The following KCNT2 variants were observed in gnomAD, a reference collection of about 807,000 sequenced individuals.
KCNT2 encodes the protein potassium channel subfamily T member 2.
In KCNT2, 67 loss-of-function variants were observed where a neutral mutation model predicts 153.8. The observed-to-expected ratio is 0.44, with a 90% confidence interval of 0.36 to 0.53. The LOEUF (loss-of-function observed/expected upper bound fraction) is 0.53, where lower values mean the gene tolerates loss of function less well. Among genes scored for constraint, KCNT2 ranks in the 20% least tolerant of loss-of-function variants. The probability of loss-of-function intolerance (pLI) is 0.00; values close to 1 mark genes in which losing one functional copy is unlikely to be tolerated. For missense variants in KCNT2, 975 were observed against 1,354.8 expected, an observed-to-expected ratio of 0.72 and a Z score of 4.40; for synonymous variants, 500 against 458.8, an observed-to-expected ratio of 1.09 and a Z score of -1.15.
chr1:196,424,873 C>T (rs1673516852), intron 11 of KCNT2, among the ~76,000 whole-genome samples: 1 of 150,958 alleles, frequency 6.6e-6, no homozygotes, highest in Admixed American at 6.6e-5. Context: ...ACTAGACAGA[C>T]ACACACACAC....
chr1:196,505,831 A>C (rs965015293), intron 1 of KCNT2, among the ~76,000 whole-genome samples: 1 of 151,938 alleles, frequency 6.6e-6, no homozygotes, highest in Non-Finnish European at 1.5e-5. Context: ...TAGGTATTTT[A>C]TTCTCTTTGA....
At chr1:196,485,720 A>C (rs1051741370) in intron 3 of KCNT2, among the ~76,000 whole-genome samples, 7 of 151,974 alleles carry the variant, frequency 4.6e-5, no homozygotes, top group African/African-American at 1.7e-4. Flanking sequence ...AGTTTCCTTA[A>C]CATTAAGTTG....
chr1:196,540,562 C>A (rs1175023321), intron 1 of KCNT2, among the ~76,000 whole-genome samples: 1 of 152,080 alleles, frequency 6.6e-6, no homozygotes, highest in Non-Finnish European at 1.5e-5. Flanking sequence ...CAAGAAACAA[C>A]AACAAAACTT....
chr1:196,340,456 G>T lies in KCNT2; in HGVS notation c.1668C>A (p.Thr556=). 6.2e-7 allele frequency: 1 copy of T among 1,610,992 alleles called. No individual in the cohort carries two copies. Among genetic ancestry groups the T allele is most frequent in the Non-Finnish European group, 8.5e-7 (1 of 1,177,876 alleles). Residue 556 remains threonine, a synonymous_variant, in exon 16 of 28, where the codon ACC becomes ACA. Transcript: ENST00000294725. The stretch of plus-strand genomic sequence containing the variant: ...TTTTAAATGCTGAATTCTCTTCTTT[G>T]GTAATATTAATATAAAAGCATATGT... ...STDICFYINI[T]KEENSAFKNQ... is the part of the protein sequence containing the mutation.
chr1:196,349,950 G>C (rs538234264), intron 14 of KCNT2, among the ~76,000 whole-genome samples: 66 of 151,862 alleles, frequency 4.3e-4, no homozygotes, highest in Non-Finnish European at 7.9e-4. Context: ...GAGTGAGAAC[G>C]TGTGGTATTT....
intron 1 of KCNT2, among the ~76,000 whole-genome samples, chr1:196,589,192 C>T (rs1317916947): frequency 6.6e-6 from 1 of 151,706 alleles, no homozygotes; most frequent in Non-Finnish European, 1.5e-5. Context: ...TCAGTTTGTA[C>T]AACAATATCT....
At chr1:196,288,574 C>T (rs1659893545) in intron 22 of KCNT2, among the ~76,000 whole-genome samples, 1 of 152,036 alleles carries the variant, frequency 6.6e-6, no homozygotes, top group South Asian at 2.1e-4. Context: ...GTTAATGCAG[C>T]AATCCTAGTG....
intron 20 of KCNT2, among the ~76,000 whole-genome samples, chr1:196,318,120 G>C (rs960024714): frequency 2.0e-5 from 3 of 151,442 alleles, no homozygotes; most frequent in Non-Finnish European, 3.0e-5. Flanking sequence ...CAGCAGATGG[G>C]AGCACAAGAA....
At chr1:196,486,771 G>T (rs1444442096) in intron 3 of KCNT2, among the ~76,000 whole-genome samples, 1 of 151,476 alleles carries the variant, frequency 6.6e-6, no homozygotes, top group Admixed American at 6.6e-5. Flanking sequence ...AAACAGGAGG[G>T]TAAATTATAC....
intron 1 of KCNT2, among the ~76,000 whole-genome samples, chr1:196,553,969 C>G (rs555227825): frequency 2.6e-5 from 4 of 151,226 alleles, no homozygotes; most frequent in African/African-American, 9.7e-5. Flanking sequence ...CCATAGGATA[C>G]AGCAAAAGCA....
At chr1:196,305,158 T>G in intron 22 of KCNT2, 76 bp downstream of exon 22, 1 of 858,004 alleles carries the variant, frequency 1.2e-6, no homozygotes, top group Admixed American at 2.1e-5. Context: ...TCATGGCATT[T>G]TTTTTATATA....
chr1:196,246,995 G>A (rs1655511228), intron 26 of KCNT2, among the ~76,000 whole-genome samples: 1 of 151,974 alleles, frequency 6.6e-6, no homozygotes, highest in Non-Finnish European at 1.5e-5. Context: ...AAGAGCACCT[G>A]AATGAATTAG....
chr1:196,518,695 A>G (rs765717331), intron 1 of KCNT2, among the ~76,000 whole-genome samples: 4 of 152,196 alleles, frequency 2.6e-5, no homozygotes, highest in Non-Finnish European at 4.4e-5. Flanking sequence ...AGCACATTAC[A>G]TAATGGTAAA....
At chr1:196,567,198 A>C (rs1245825208) in intron 1 of KCNT2, among the ~76,000 whole-genome samples, 1 of 151,410 alleles carries the variant, frequency 6.6e-6, no homozygotes, top group African/African-American at 2.4e-5. Flanking sequence ...CTCCTCCTCT[A>C]CTTGAACGTT....
chr1:196,337,707 G>A (rs912443383), intron 16 of KCNT2, among the ~76,000 whole-genome samples: 3 of 151,912 alleles, frequency 2.0e-5, no homozygotes, highest in African/African-American at 7.3e-5. Flanking sequence ...TTTCTTTCAG[G>A]TATCTGCTCA....
intron 25 of KCNT2, among the ~76,000 whole-genome samples, chr1:196,272,660 C>A (rs559625264): frequency 6.6e-6 from 1 of 151,958 alleles, no homozygotes; most frequent in Non-Finnish European, 1.5e-5. Context: ...GCGATTAACG[C>A]CCCAAGGTGA....
At chr1:196,529,261 A>C (rs561943249) in intron 1 of KCNT2, among the ~76,000 whole-genome samples, 1 of 152,202 alleles carries the variant, frequency 6.6e-6, no homozygotes, top group Non-Finnish European at 1.5e-5. Context: ...TTGAAACTAC[A>C]GATTATGAAA....
At chr1:196,442,830 T>C (rs1675362091) in intron 8 of KCNT2, among the ~76,000 whole-genome samples, 1 of 151,710 alleles carries the variant, frequency 6.6e-6, no homozygotes, top group East Asian at 1.9e-4. Context: ...ACAAGACACG[T>C]GGAATATTTT....
intron 1 of KCNT2, among the ~76,000 whole-genome samples, chr1:196,548,771 A>T (rs1057500688): frequency 6.6e-6 from 1 of 152,128 alleles, no homozygotes; most frequent in Non-Finnish European, 1.5e-5. Flanking sequence ...TCCAACAATG[A>T]TAGACTGGAT....
Sources: allele counts gnomAD v4.1 joint callset (sites outside exome capture counted in the v4.1 genomes callset), GRCh38; gene constraint gnomAD v4.1.1; transcripts MANE v1.5; gene names NCBI Gene and HGNC (gene_info 2026-07-23, HGNC 2026-07-21).